Variants in SLC9A5 observed in about 807,000 individuals in gnomAD.
SLC9A5 encodes the protein sodium/hydrogen exchanger 5.
SLC9A5 carries 52 observed loss-of-function variants against 91.7 expected under a neutral mutation model. That is an observed-to-expected ratio of 0.57 (90% CI 0.45 to 0.71). The LOEUF is 0.71. Among genes scored for constraint, SLC9A5 ranks in the 30% least tolerant of loss-of-function variants. SLC9A5 has a pLI of 0.00. For missense variants in SLC9A5, 871 were observed against 1,158.9 expected (o/e 0.75, Z 3.61); for synonymous variants, 419 against 474.5 (o/e 0.88, Z 1.52).
chr16:67,268,661 TATATATATATATATATATATATATA>T (rs2035803783), intron 15 of SLC9A5, among the ~76,000 whole-genome samples: 4 of 16,824 alleles, frequency 2.4e-4, no homozygotes, highest in African/African-American at 1.4e-3. Flanking sequence ...TCCCTGATTA[TATATATATATATATATATATATATA>T]TATATATATA....
Position 67,255,991 on chromosome 16 carries a change from T to G in SLC9A5, c.911+61T>G. 6.4e-7 allele frequency: 1 copy of G among 1,551,024 alleles called. No individual in the cohort carries two copies. The highest frequency in any genetic ancestry group is 8.8e-7 in the Non-Finnish European group (1 of 1,138,012). ...AGGGGGCACTGGAGATGGTTGCCCC[T>G]CATAGGGACACAGGCAGGAACTTCA... On this transcript the variant is annotated intron_variant, in intron 5 of 15. Coordinates refer to ENST00000299798, the MANE Select transcript of SLC9A5 (RefSeq NM_004594.3). This position sits in a 1 kb window ranked among gnomAD's most constrained non-coding sequence, Gnocchi z 4.9.
chr16:67,256,431 C>A lies in SLC9A5; in HGVS notation c.912-38C>A. 1 of 1,469,526 alleles carries A rather than the reference C, an allele frequency of 6.8e-7. No individual in the cohort carries two copies. The highest frequency in any genetic ancestry group is 9.4e-7 in the Non-Finnish European group (1 of 1,059,418). The allele number at this position is 1,469,526 out of a possible 1,614,324, so 91.0% of individuals were successfully genotyped here. A position where few individuals can be genotyped will look rare whatever the true frequency, so the allele number is the denominator to read the frequency against. On this transcript the variant is annotated intron_variant, in intron 5 of 15. Coordinates refer to ENST00000299798, the MANE Select transcript of SLC9A5 (RefSeq NM_004594.3). The surrounding 1 kb of genome is among the most constrained non-coding windows in gnomAD (Gnocchi z 4.1). ...ACCCTGGAGGCTGAGCCCCCTGGAA[C>A]CCTTCCCCACTTGCCATGTCTCTCC...
intron 1 of SLC9A5, among the ~76,000 whole-genome samples, chr16:67,250,091 T>C (rs1376320312): frequency 6.6e-6 from 1 of 152,214 alleles, no homozygotes; most frequent in African/African-American, 2.4e-5. Context: ...TGGCACAGCC[T>C]GTACTCCAGT....
chr16:67,258,431 TCAGCTTTGTGGACCA>T lies in SLC9A5; in HGVS notation c.1611_1625del (p.Ile537_Gln542delinsMet). ...TACAGGCTTAACATCCGGGATGCCA[TCAGCTTTGTGGACCA>T]GGTGGGCCAGCAGCTTCCAGGTGGG... On this transcript the variant is annotated inframe_deletion and splice_region_variant, in exon 10 of 16. Coordinates refer to ENST00000299798, the MANE Select transcript of SLC9A5 (RefSeq NM_004594.3). This position sits in a 1 kb window ranked among gnomAD's most constrained non-coding sequence, Gnocchi z 4.5. 6.2e-7 allele frequency: 1 copy of T among 1,614,174 alleles called. No homozygotes were observed. Among genetic ancestry groups the T allele is most frequent in the African/African-American group, 1.3e-5 (1 of 75,044 alleles).
In SLC9A5 at chr16:67,257,259, T is replaced by C. The variant is rs893128541; in HGVS notation, c.1336-86T>C. The C allele has an allele frequency of 7.2e-7, 1 of 1,392,100 alleles. No individual in the cohort carries two copies. The highest frequency in any genetic ancestry group is 1.0e-6 in the Non-Finnish European group (1 of 983,328). The allele number at this position is 1,392,100 out of a possible 1,614,324, so 86.2% of individuals were successfully genotyped here. A position where few individuals can be genotyped will look rare whatever the true frequency, so the allele number is the denominator to read the frequency against. ...CTTGAGTGCAGTGGGGTAGGGGTAC[T>C]GAAGCTGAAGCCTCATTACGGGGAG... On this transcript the variant is annotated intron_variant, in intron 7 of 15. Transcript: ENST00000299798. This position sits in a 1 kb window ranked among gnomAD's most constrained non-coding sequence, Gnocchi z 5.1.
At chr16:67,264,245 A>T in intron 12 of SLC9A5, 107 bp from the exon 13 acceptor site, 2 of 914,714 alleles carry the variant, frequency 2.2e-6, no homozygotes, top group Non-Finnish European at 1.7e-6. Flanking sequence ...ATTCTGGAAA[A>T]GCTGGGCTGG....
chr16:67,249,071 G>A lies in SLC9A5; in HGVS notation c.57G>A (p.Glu19=), dbSNP rs1597339912. 3.3e-6 allele frequency: 5 copies of A among 1,525,560 alleles called. No homozygotes were observed. Among genetic ancestry groups the A allele is most frequent in the African/African-American group, 1.4e-5 (1 of 71,540 alleles). 94.5% of individuals were successfully genotyped at this position (1,525,560 alleles called of 1,614,324 possible). A position where few individuals can be genotyped will look rare whatever the true frequency, so the allele number is the denominator to read the frequency against. Residue 19 remains glutamate, a synonymous_variant, in exon 1 of 16, where the codon GAG becomes GAA. Transcript: ENST00000299798. ...LALPLAGAAE[E]PTQKPESPGE... is the part of the protein sequence containing the mutation. ...TGCCCCTGGCGGGGGCGGCCGAAGAGCCCACCCAGAAGCCAGAGTCCCCGG... is the reference window on the plus strand; with the variant it reads ...TGCCCCTGGCGGGGGCGGCCGAAGAACCCACCCAGAAGCCAGAGTCCCCGG...
chr16:67,252,484 C>A lies in SLC9A5; in HGVS notation c.188-58C>A. The A allele has an allele frequency of 6.9e-7, 1 of 1,448,290 alleles. No individual in the cohort carries two copies. Among genetic ancestry groups the A allele is most frequent in the Non-Finnish European group, 9.4e-7 (1 of 1,065,354 alleles). 89.7% of individuals were successfully genotyped at this position (1,448,290 alleles called of 1,614,324 possible). A position where few individuals can be genotyped will look rare whatever the true frequency, so the allele number is the denominator to read the frequency against. ...AAAACAAAACTGGGAGTTCATAGGCCTGTGTGTGGGAGGATATTCCATAAA... is the reference window on the plus strand; with the variant it reads ...AAAACAAAACTGGGAGTTCATAGGCATGTGTGTGGGAGGATATTCCATAAA... On this transcript the variant is annotated intron_variant, in intron 1 of 15. Transcript: ENST00000299798. The surrounding 1 kb of genome is among the most constrained non-coding windows in gnomAD (Gnocchi z 4.0).
Position 67,256,486 on chromosome 16 carries a change from T to G in SLC9A5, c.929T>G (p.Leu310Arg). The G allele has an allele frequency of 6.2e-7, 1 of 1,611,110 alleles. No homozygotes were observed. ...SAILAVTMCG[L>R]GCKKYVEANI... ...TCTCCCAGGGTGACCATGTGTGGCCTGGGCTGTAAGAAGTACGTGGAGGCC... is the reference window on the plus strand; with the variant it reads ...TCTCCCAGGGTGACCATGTGTGGCCGGGGCTGTAAGAAGTACGTGGAGGCC... The change falls in exon 6 of 16, where the codon CTG (leucine) becomes CGG (arginine). Residue 310 changes from leucine to arginine, a missense_variant. Physicochemically the swap from Leu to Arg is moderately radical, Grantham distance 102 (BLOSUM62 -2). Around this residue, in one of 3 missense-constraint regions of SLC9A5, gnomAD observed 454 missense variants for 718.3 expected, o/e 0.63. Coordinates refer to ENST00000299798, the MANE Select transcript of SLC9A5 (RefSeq NM_004594.3). This position sits in a 1 kb window ranked among gnomAD's most constrained non-coding sequence, Gnocchi z 4.1.
In SLC9A5 at chr16:67,264,500, C is replaced by A; in HGVS notation, c.1991C>A (p.Pro664His). Residue 664 changes from proline to histidine, a missense_variant, in exon 13 of 16, where the codon CCC becomes CAC. Transcript: ENST00000299798. ...TGCTTCACCAAGAGCAAGCCACGAC[C>A]CCGCAAGACTGGCCGCAGGAAGGCA... The part of the protein sequence containing the change: ...NICFTKSKPR[P>H]RKTGRRKKDG... The A allele has an allele frequency of 1.9e-6, 3 of 1,614,194 alleles. No homozygotes were observed. The highest frequency in any genetic ancestry group is 2.5e-6 in the Non-Finnish European group (3 of 1,180,024).
chr16:67,253,327 G>T (rs2035198786), intron 2 of SLC9A5, among the ~76,000 whole-genome samples: 1 of 151,744 alleles, frequency 6.6e-6, no homozygotes, highest in Non-Finnish European at 1.5e-5. Flanking sequence ...TAAATAAATA[G>T]ATATTTAAAA....
intron 1 of SLC9A5, among the ~76,000 whole-genome samples, chr16:67,250,177 A>G (rs2035060107): frequency 6.6e-6 from 1 of 152,166 alleles, no homozygotes; most frequent in Admixed American, 6.5e-5. Context: ...GGACACTGCT[A>G]GGGGGTGAGG....
In SLC9A5 at chr16:67,258,622, CAG is replaced by C. The variant is rs1217137464; in HGVS notation, c.1626+178_1626+179del. On this transcript the variant is annotated intron_variant, in intron 10 of 15. Transcript: ENST00000299798. The surrounding 1 kb of genome is among the most constrained non-coding windows in gnomAD (Gnocchi z 4.5). ...AGCAGCTGGGTCTGGTGCTGACATTCAGAGTCTGGCAGGCAGTCCAGAGAGGT... is the reference window on the plus strand; with the variant it reads ...AGCAGCTGGGTCTGGTGCTGACATTCAGTCTGGCAGGCAGTCCAGAGAGGT... Among the ~76,000 whole-genome samples the C allele has an allele frequency of 6.6e-6, 1 of 152,190 alleles. No individual in the cohort carries two copies. The highest frequency in any genetic ancestry group is 1.5e-5 in the Non-Finnish European group (1 of 68,036).
rs1049602862 is a variant in SLC9A5 at position 67,254,017 on chromosome 16, G to A, written c.491-1004G>A. ...CCCTATTGAGGTAGTGAACTATTTG[G>A]GGCAGGAAGGGAAGGGAGGACATCA... On this transcript the variant is annotated intron_variant, in intron 2 of 15. Transcript: ENST00000299798. 7.2e-5 allele frequency among the ~76,000 whole-genome samples: 11 copies of A among 152,144 alleles called. 1 individual carries two copies. The highest frequency in any genetic ancestry group is 2.7e-4 in the African/African-American group (11 of 41,410).
intron 2 of SLC9A5, among the ~76,000 whole-genome samples, chr16:67,254,173 G>C (rs1209452979): frequency 3.3e-5 from 5 of 152,154 alleles, no homozygotes. Flanking sequence ...GGGGCTCATA[G>C]AAATTATATG....
In SLC9A5 at chr16:67,249,189, C is replaced by G; in HGVS notation, c.175C>G (p.Leu59Val). ...GGCCCTGTGGATCCTGGTGGCCAGT[C>G]TGGCCAAAATCGGTGAGTGCGTGTG... ...LVALWILVASLAKIVFHLSRK... is the reference protein window; with the variant it reads ...LVALWILVASVAKIVFHLSRK... The change falls in exon 1 of 16, where the codon CTG (leucine) becomes GTG (valine). Residue 59 changes from leucine (L) to valine (V), a missense_variant. This residue lies in a region of SLC9A5 where 122 missense variants were observed against 114.5 expected (regional missense o/e 1.07). Coordinates refer to ENST00000299798, the MANE Select transcript of SLC9A5 (RefSeq NM_004594.3). The G allele has an allele frequency of 6.5e-7, 1 of 1,533,668 alleles. No individual in the cohort carries two copies. Among genetic ancestry groups the G allele is most frequent in the East Asian group, 2.6e-5 (1 of 38,724 alleles).
At chr16:67,268,947 G>T (rs963768421) in intron 15 of SLC9A5, among the ~76,000 whole-genome samples, 5 of 151,476 alleles carry the variant, frequency 3.3e-5, no homozygotes, top group Non-Finnish European at 5.9e-5. Flanking sequence ...GTCCCAAAAT[G>T]TCAAGTGTCA....
In SLC9A5 at chr16:67,252,089, G is replaced by T. The variant is rs1173380174; in HGVS notation, c.188-453G>T. On this transcript the variant is annotated intron_variant, in intron 1 of 15. Transcript: ENST00000299798. The surrounding 1 kb of genome is among the most constrained non-coding windows in gnomAD (Gnocchi z 4.0). Reference sequence around the variant, plus strand: ...GAAACAGATGACTTTGACTGCAGGGGAGGGTTTGTAGCCCTGGAGATTGGA... The same window carrying T: ...GAAACAGATGACTTTGACTGCAGGGTAGGGTTTGTAGCCCTGGAGATTGGA... Among the ~76,000 whole-genome samples the T allele has an allele frequency of 6.6e-6, 1 of 152,162 alleles. No individual in the cohort carries two copies. Among genetic ancestry groups the T allele is most frequent in the Non-Finnish European group, 1.5e-5 (1 of 68,032 alleles).
Position 67,257,226 on chromosome 16 carries a change from TC to T in SLC9A5, c.1335+116del. 1 of 1,384,808 alleles carries T rather than the reference TC, an allele frequency of 7.2e-7. No individual in the cohort carries two copies. Among genetic ancestry groups the T allele is most frequent in the Non-Finnish European group, 1.0e-6 (1 of 989,846 alleles). 85.8% of individuals were successfully genotyped at this position (1,384,808 alleles called of 1,614,324 possible). ...CGCTGGGAGATGGAGGGCCCTGACT[TC>T]CCAGACCTTGAGTGCAGTGGGGTAG... On this transcript the variant is annotated intron_variant, in intron 7 of 15. Transcript: ENST00000299798. The surrounding 1 kb of genome is among the most constrained non-coding windows in gnomAD (Gnocchi z 5.1).
Sources: allele counts gnomAD v4.1 joint callset (sites outside exome capture counted in the v4.1 genomes callset), GRCh38; gene constraint gnomAD v4.1.1; regional missense constraint gnomAD v4.1.1; non-coding constraint Gnocchi (gnomAD v3.1); transcripts MANE v1.5; gene names NCBI Gene and HGNC (gene_info 2026-07-23, HGNC 2026-07-21).